EIF4E3: variants seen among roughly 807,000 people sequenced by gnomAD.
EIF4E3 encodes the protein eukaryotic translation initiation factor 4E family member 3.
A neutral mutation model predicts 31.7 loss-of-function variants in EIF4E3; 26 were observed. That is an observed-to-expected ratio of 0.82 (90% CI 0.60 to 1.14). EIF4E3 has a LOEUF of 1.14. EIF4E3 is among the 50% of genes most tolerant of loss of function. The probability of loss-of-function intolerance (pLI) is 0.00; values close to 1 mark genes in which losing one functional copy is unlikely to be tolerated. For synonymous variants in EIF4E3, 128 were observed against 107.7 expected, an observed-to-expected ratio of 1.19 and a Z score of -1.17; for missense variants, 304 against 270.9, an observed-to-expected ratio of 1.12 and a Z score of -0.86.
chr3:71,717,496 CA>C (rs1322270158), intron 1 of EIF4E3, among the ~76,000 whole-genome samples: 2 of 152,178 alleles, frequency 1.3e-5, no homozygotes, highest in Non-Finnish European at 2.9e-5. Flanking sequence ...CTTTTCTCAG[CA>C]AATTCCGAGG....
chr3:71,744,866 G>A (rs959013163), intron 1 of EIF4E3, among the ~76,000 whole-genome samples: 1 of 152,162 alleles, frequency 6.6e-6, no homozygotes, highest in Non-Finnish European at 1.5e-5. Context: ...TTCATTCCAG[G>A]AAACAGGAAG....
chr3:71,686,217 T>C (rs2048988625), intron 6 of EIF4E3, among the ~76,000 whole-genome samples: 2 of 152,148 alleles, frequency 1.3e-5, no homozygotes, highest in African/African-American at 4.8e-5. Flanking sequence ...CTCGAACTCC[T>C]GAGCTCAAGC....
At chr3:71,749,029 GT>G (rs1255091829) in intron 1 of EIF4E3, among the ~76,000 whole-genome samples, 5 of 152,232 alleles carry the variant, frequency 3.3e-5, no homozygotes, top group Non-Finnish European at 7.3e-5. Context: ...TTAAATCATG[GT>G]TAGCCAAGAC....
chr3:71,702,871 C>T (rs1339173090), intron 2 of EIF4E3, among the ~76,000 whole-genome samples: 3 of 152,214 alleles, frequency 2.0e-5, no homozygotes, highest in African/African-American at 7.2e-5. Context: ...CTGAAAACCT[C>T]TTCCGCCCTT....
In EIF4E3 at chr3:71,696,468, C is replaced by T. The variant is rs1415245274; in HGVS notation, c.397G>A (p.Asp133Asn). ...GATCAGTAGGAACCTACCGTGCTGT[C>T]CTTGGGGACTTTCATCTTCCATACG... ...GGVWKMKVPK[D>N]STSTVWKELL... The change falls in exon 4 of 7, where the codon GAC becomes AAC. Residue 133 changes from aspartate to asparagine, a missense_variant. By Grantham distance (23) the Asp-to-Asn change is conservative (BLOSUM62 1). Transcript: ENST00000425534. 1 of 1,614,144 alleles carries T rather than the reference C, an allele frequency of 6.2e-7. No homozygotes were observed. Among genetic ancestry groups the T allele is most frequent in the East Asian group, 2.2e-5 (1 of 44,868 alleles).
At chr3:71,697,631 T>G (rs556348763) in intron 3 of EIF4E3, among the ~76,000 whole-genome samples, 1 of 152,258 alleles carries the variant, frequency 6.6e-6, no homozygotes, top group African/African-American at 2.4e-5. Context: ...GTTTTTTTTT[T>G]TTAAGCTCCT....
chr3:71,707,026 G>C (rs2049303514), intron 2 of EIF4E3, among the ~76,000 whole-genome samples: 3 of 152,202 alleles, frequency 2.0e-5, no homozygotes, highest in Non-Finnish European at 4.4e-5. Flanking sequence ...CTCTGTGTTA[G>C]TGGTGGTGCG....
chr3:71,659,855 GTT>G, the EIF4E3 span, among the ~76,000 whole-genome samples: 9 of 152,180 alleles, frequency 5.9e-5, no homozygotes, highest in African/African-American at 2.2e-4. Context: ...AGGCAGTTAA[GTT>G]TTGTTAAGAA....
At position 71,683,978 on chromosome 3, in the gene EIF4E3, G is replaced by A. The variant is rs1264941227; in HGVS notation, c.*704C>T. 6.6e-6 allele frequency: 1 copy of A among 152,096 alleles called. No individual in the cohort carries two copies. The highest frequency in any genetic ancestry group is 1.5e-5 in the Non-Finnish European group (1 of 68,032). The allele number at this position is 152,096 out of a possible 1,614,324, so 9.4% of individuals were successfully genotyped here. On this transcript the variant is annotated 3_prime_UTR_variant, in exon 7 of 7. Coordinates refer to ENST00000425534, the MANE Select transcript of EIF4E3 (RefSeq NM_001134651.2). The stretch of plus-strand genomic sequence containing the variant: ...TCCACAGAGGGTCCAAAGACTTAGA[G>A]CTTGATTTATATCCTGATACTGAAT...
chr3:71,751,323 C>G (rs905645563), intron 1 of EIF4E3, among the ~76,000 whole-genome samples: 1 of 152,174 alleles, frequency 6.6e-6, no homozygotes, highest in African/African-American at 2.4e-5. Flanking sequence ...CAAATTAACC[C>G]TTCTGCCTCC....
intron 1 of EIF4E3, among the ~76,000 whole-genome samples, chr3:71,719,771 T>C (rs896881226): frequency 2.0e-5 from 3 of 151,994 alleles, no homozygotes; most frequent in Admixed American, 6.6e-5. Context: ...CCCAGCACTT[T>C]GGGAGGCTGA....
At chr3:71,720,340 C>T (rs1348038362) in intron 1 of EIF4E3, among the ~76,000 whole-genome samples, 1 of 151,986 alleles carries the variant, frequency 6.6e-6, no homozygotes, top group Non-Finnish European at 1.5e-5. Flanking sequence ...GGACTACAGG[C>T]TCTTGCCACC....
chr3:71,663,776 C>T, the EIF4E3 span, among the ~76,000 whole-genome samples: 1 of 152,242 alleles, frequency 6.6e-6, no homozygotes, highest in Non-Finnish European at 1.5e-5. Context: ...TGAACACTTA[C>T]TATGACCCAG....
intron 1 of EIF4E3, among the ~76,000 whole-genome samples, chr3:71,750,850 G>A (rs979910377): frequency 6.6e-6 from 1 of 150,466 alleles, no homozygotes; most frequent in Non-Finnish European, 1.5e-5. Context: ...TGCAAGCTCC[G>A]CCTCCCGGGT....
the EIF4E3 span, among the ~76,000 whole-genome samples, chr3:71,663,322 C>T: frequency 6.6e-6 from 1 of 152,110 alleles, no homozygotes; most frequent in East Asian, 1.9e-4. Flanking sequence ...ATCTCTAAAG[C>T]TGTAACACAG....
At chr3:71,734,562 T>C (rs570027929) in intron 1 of EIF4E3, among the ~76,000 whole-genome samples, 4 of 152,154 alleles carry the variant, frequency 2.6e-5, no homozygotes, top group Non-Finnish European at 5.9e-5. Context: ...ATGATGCAAA[T>C]AATTTCCTAT....
intron 2 of EIF4E3, among the ~76,000 whole-genome samples, chr3:71,704,172 G>A (rs984452979): frequency 6.6e-6 from 1 of 152,244 alleles, no homozygotes; most frequent in Non-Finnish European, 1.5e-5. Flanking sequence ...TGATCATAGA[G>A]TAAACGAGAT....
chr3:71,753,680 A>AGCGGCG (rs914569552), upstream of EIF4E3: 14 of 145,378 alleles, frequency 9.6e-5, no homozygotes, highest in African/African-American at 3.4e-4. Flanking sequence ...CAGCGGCGGC[A>AGCGGCG]GCGGCGGCGG....
intron 2 of EIF4E3, 123 bp downstream of exon 2, chr3:71,710,289 G>A (rs560497468): frequency 7.1e-6 from 8 of 1,129,936 alleles, no homozygotes; most frequent in East Asian, 5.1e-5. Context: ...ACCTGGACCC[G>A]AGAGCCAACT....
Sources: allele counts gnomAD v4.1 joint callset (sites outside exome capture counted in the v4.1 genomes callset), GRCh38; gene constraint gnomAD v4.1.1; transcripts MANE v1.5; gene names NCBI Gene and HGNC (gene_info 2026-07-23, HGNC 2026-07-21).